The following NKAIN1 variants were observed in gnomAD, a reference collection of about 807,000 sequenced individuals.
NKAIN1 encodes sodium/potassium-transporting ATPase subunit beta-1-interacting protein 1.
Under a neutral mutation model 31.6 loss-of-function variants are expected in NKAIN1, and 13 were observed. That is an observed-to-expected ratio of 0.41 (90% CI 0.27 to 0.65). The LOEUF (loss-of-function observed/expected upper bound fraction) is 0.65, where lower values mean the gene tolerates loss of function less well. NKAIN1 is among the 30% of genes least tolerant of loss of function. NKAIN1 has a pLI of 0.30. For synonymous variants in NKAIN1, 104 were observed against 109.0 expected, an observed-to-expected ratio of 0.95 and a Z score of 0.28; for missense variants, 193 against 262.2, an observed-to-expected ratio of 0.74 and a Z score of 1.82.
chr1:31,194,522 T>C (rs1271659994), intron 1 of NKAIN1, among the ~76,000 whole-genome samples: 2 of 147,276 alleles, frequency 1.4e-5, no homozygotes, highest in Admixed American at 6.9e-5. Flanking sequence ...TTCTCCTGCC[T>C]CAGCCTCCCG....
intron 1 of NKAIN1, among the ~76,000 whole-genome samples, chr1:31,216,696 T>TATTTATCTATC (rs1557659459): frequency 1.1e-4 from 5 of 46,618 alleles, no homozygotes; most frequent in African/African-American, 4.4e-4. Context: ...TGACTTTTAT[T>TATTTATCTATC]TATTTATTTA....
intron 5 of NKAIN1, 70 bp from the exon 6 acceptor site, chr1:31,182,011 G>T: frequency 2.0e-6 from 3 of 1,465,136 alleles, no homozygotes; most frequent in Non-Finnish European, 2.8e-6. Flanking sequence ...GGGTCCTGAA[G>T]GGGAAGAATC....
intron 1 of NKAIN1, among the ~76,000 whole-genome samples, chr1:31,211,689 C>T (rs1484773777): frequency 2.0e-5 from 3 of 151,484 alleles, no homozygotes; most frequent in Non-Finnish European, 4.4e-5. Context: ...TGGCTCATGC[C>T]TGTAATCCCA....
chr1:31,181,717 G>T lies in NKAIN1; in HGVS notation c.615-5C>A. 6.7e-7 allele frequency: 1 copy of T among 1,490,818 alleles called. No homozygotes were observed. Among genetic ancestry groups the T allele is most frequent in the East Asian group, 2.5e-5 (1 of 40,400 alleles). The allele number at this position is 1,490,818 out of a possible 1,614,324, so 92.3% of individuals were successfully genotyped here. ...CGGGGCAGAGGCTACCCCGACCTGC[G>T]GGAAACAAAGGCAGGTTAGGGAGAG... On this transcript the variant is annotated splice_region_variant and splice_polypyrimidine_tract_variant and intron_variant, in intron 6 of 6. Coordinates refer to ENST00000373736, the MANE Select transcript of NKAIN1 (RefSeq NM_024522.3).
intron 1 of NKAIN1, among the ~76,000 whole-genome samples, chr1:31,231,008 GA>G (rs1645643835): frequency 6.6e-6 from 1 of 150,988 alleles, no homozygotes; most frequent in African/African-American, 2.4e-5. Flanking sequence ...TTAGCCTCCT[GA>G]GTAGCTGGGA....
In NKAIN1 at chr1:31,233,105, C is replaced by A. The variant is rs987068947; in HGVS notation, c.54+6389G>T. Among the ~76,000 whole-genome samples, 2 of 152,138 alleles carry A rather than the reference C, an allele frequency of 1.3e-5. No homozygotes were observed. The highest frequency in any genetic ancestry group is 4.8e-5 in the African/African-American group (2 of 41,426). On this transcript the variant is annotated intron_variant, in intron 1 of 6. Transcript: ENST00000373736. The surrounding 1 kb of genome is among the most constrained non-coding windows in gnomAD (Gnocchi z 4.0). ...CTGAAATTACAGGTGCCCACCACCA[C>A]GCTCGGCTAATTTTTTGTATTTTTA...
chr1:31,228,952 C>G (rs543958945), intron 1 of NKAIN1, among the ~76,000 whole-genome samples: 3 of 152,260 alleles, frequency 2.0e-5, no homozygotes, highest in African/African-American at 7.2e-5. Flanking sequence ...TCAGCCCCCA[C>G]CCCTGCAGAG....
intron 1 of NKAIN1, among the ~76,000 whole-genome samples, chr1:31,189,489 G>C (rs1208343145): frequency 1.3e-5 from 2 of 152,108 alleles, no homozygotes; most frequent in African/African-American, 4.8e-5. Flanking sequence ...GCTAATTTTT[G>C]TATTTTTAGT....
At chr1:31,188,006 G>A (rs749926368) in intron 2 of NKAIN1, 44 bp downstream of exon 2, 15 of 1,540,168 alleles carry the variant, frequency 9.7e-6, no homozygotes, top group East Asian at 2.5e-5. Context: ...GTGGGCAGGG[G>A]TGAGGAGAGG....
intron 1 of NKAIN1, among the ~76,000 whole-genome samples, chr1:31,224,451 A>G (rs1210206782): frequency 1.3e-5 from 2 of 152,176 alleles, no homozygotes; most frequent in African/African-American, 2.4e-5. Flanking sequence ...CAATCAAGCC[A>G]TCCTAAATCG....
At chr1:31,187,918 T>C (rs1402902342) in intron 2 of NKAIN1, 132 bp downstream of exon 2, 1 of 954,256 alleles carries the variant, frequency 1.0e-6, no homozygotes, top group African/African-American at 1.7e-5. Context: ...ATTCACCCCA[T>C]CTTGTTTTGG....
chr1:31,203,420 T>G (rs956489838), intron 1 of NKAIN1, among the ~76,000 whole-genome samples: 1 of 148,522 alleles, frequency 6.7e-6, no homozygotes, highest in Non-Finnish European at 1.5e-5. Flanking sequence ...CTACCACGTT[T>G]GAAACGGCGC....
At position 31,181,820 on chromosome 1, in the gene NKAIN1, C is replaced by A. The variant is rs537244334; in HGVS notation, c.614+40G>T. ...CATCCCCTCCTTTTCGCAACCCCGA[C>A]GCCCAGGCCTCCCCAAGCCAGCAGG... On this transcript the variant is annotated intron_variant, in intron 6 of 6. Coordinates refer to ENST00000373736, the MANE Select transcript of NKAIN1 (RefSeq NM_024522.3). The A allele has an allele frequency of 1.1e-5, 17 of 1,580,932 alleles. No homozygotes were observed. The African/African-American group carries it at 2.0e-4, about 19-fold the overall frequency.
At chr1:31,186,279 T>A (rs1645242110) in intron 2 of NKAIN1, among the ~76,000 whole-genome samples, 1 of 151,038 alleles carries the variant, frequency 6.6e-6, no homozygotes, top group Admixed American at 6.6e-5. Flanking sequence ...GGAGAATCAC[T>A]TGAACCTGGG....
In NKAIN1 at chr1:31,188,175, C is replaced by G; in HGVS notation, c.67G>C (p.Glu23Gln). 1 of 1,551,540 alleles carries G rather than the reference C, an allele frequency of 6.4e-7. No homozygotes were observed. Among genetic ancestry groups the G allele is most frequent in the Non-Finnish European group, 8.7e-7 (1 of 1,146,866 alleles). Residue 23 changes from glutamate to glutamine, a missense_variant, in exon 2 of 7, where the codon GAG becomes CAG. Glu to Gln is a conservative substitution (Grantham distance 29). Transcript: ENST00000373736. ...FCCLQLVAAL[E>Q]RQIFDFLGYQ... is the part of the protein sequence containing the mutation. The stretch of plus-strand genomic sequence containing the variant: ...CCCAGGAAGTCAAAGATCTGCCGCT[C>G]CAGCGCAGCCACCTGTGGAAGAGAC...
chr1:31,213,584 T>G (rs1645487176), intron 1 of NKAIN1, among the ~76,000 whole-genome samples: 1 of 152,200 alleles, frequency 6.6e-6, no homozygotes, highest in South Asian at 2.1e-4. Flanking sequence ...TATATACACC[T>G]GAGAAGTGAA....
At chr1:31,206,273 T>TAAAAATATATAAA (rs60976297) in intron 1 of NKAIN1, among the ~76,000 whole-genome samples, 1 of 13,668 alleles carries the variant, frequency 7.3e-5, no homozygotes, top group African/African-American at 1.3e-4. Context: ...ATAAATAAAC[T>TAAAAATATATAAA]CTCTGGTTTA....
Position 31,225,652 on chromosome 1 carries a change from C to T in NKAIN1, c.54+13842G>A, listed in dbSNP as rs574767303. On this transcript the variant is annotated intron_variant, in intron 1 of 6. Coordinates refer to ENST00000373736, the MANE Select transcript of NKAIN1 (RefSeq NM_024522.3). The stretch of plus-strand genomic sequence containing the variant: ...AGTCCATTTCTGGACTTCAGTTTTC[C>T]CAGCTACATTGTGTGAGGGTGGAGG... Among the ~76,000 whole-genome samples, 68 of 151,256 alleles carry T rather than the reference C, an allele frequency of 4.5e-4. 1 individual carries two copies. Among genetic ancestry groups the T allele is most frequent in the African/African-American group, 1.5e-3 (63 of 41,354 alleles).
chr1:31,211,084 TAAGA>T (rs1557657496), intron 1 of NKAIN1, among the ~76,000 whole-genome samples: 4 of 152,222 alleles, frequency 2.6e-5, no homozygotes, highest in East Asian at 3.8e-4. Context: ...GCTTTCCCCC[TAAGA>T]TCAGGAACAA....
Sources: gnomAD v4.1 joint callset for allele counts (sites outside exome capture counted in the v4.1 genomes callset) on GRCh38, gnomAD v4.1.1 for gene constraint, Gnocchi (gnomAD v3.1) non-coding constraint, MANE v1.5 for transcripts, NCBI Gene and HGNC (gene_info 2026-07-23, HGNC 2026-07-21) for gene names.